SUSD4: variants seen among roughly 807,000 people sequenced by gnomAD.
SUSD4 encodes sushi domain-containing protein 4.
A neutral mutation model predicts 50.5 loss-of-function variants in SUSD4; 41 were observed. The ratio of observed to expected loss-of-function variants is 0.81; its 90% CI spans 0.63 to 1.05. SUSD4 has a LOEUF of 1.05. Among genes scored for constraint, SUSD4 ranks in the 50% least tolerant of loss-of-function variants. SUSD4 has a pLI of 0.00. For missense variants in SUSD4, 580 were observed against 634.7 expected (o/e 0.91, Z 0.93); for synonymous variants, 257 against 257.3 (o/e 1.00, Z 0.01).
At chr1:223,267,201 G>C (rs1662549346) in intron 4 of SUSD4, among the ~76,000 whole-genome samples, 1 of 152,166 alleles carries the variant, frequency 6.6e-6, no homozygotes, top group Admixed American at 6.5e-5. Flanking sequence ...ATGACACTTT[G>C]AGAGGCACAC....
intron 5 of SUSD4, among the ~76,000 whole-genome samples, chr1:223,249,777 A>G (rs553008685): frequency 1.6e-4 from 25 of 152,342 alleles, no homozygotes; most frequent in African/African-American, 5.8e-4. Flanking sequence ...AAAAAACATA[A>G]AACAAAAAAT....
At chr1:223,276,801 G>A (rs929056825) in intron 3 of SUSD4, among the ~76,000 whole-genome samples, 1 of 152,098 alleles carries the variant, frequency 6.6e-6, no homozygotes, top group Non-Finnish European at 1.5e-5. Context: ...AATATCTTGG[G>A]GGAAGACATG....
intron 2 of SUSD4, among the ~76,000 whole-genome samples, chr1:223,350,258 T>C (rs1668283132): frequency 6.6e-6 from 1 of 152,256 alleles, no homozygotes; most frequent in African/African-American, 2.4e-5. Context: ...GGGCCGGGAC[T>C]GTACTGTGTT....
intron 2 of SUSD4, among the ~76,000 whole-genome samples, chr1:223,358,033 G>A (rs41460051): frequency 6.6e-6 from 1 of 152,196 alleles, no homozygotes; most frequent in Non-Finnish European, 1.5e-5. Context: ...GAGGAGCAGT[G>A]TGCAAAATCA....
chr1:223,235,516 A>G (rs540453060), intron 5 of SUSD4, among the ~76,000 whole-genome samples: 2 of 151,394 alleles, frequency 1.3e-5, no homozygotes, highest in East Asian at 1.9e-4. Context: ...CTGCCTGTTC[A>G]TTGCCCCACC....
Position 223,324,940 on chromosome 1 carries a change from G to A in SUSD4, c.149-32289C>T, listed in dbSNP as rs1347404251. Among the ~76,000 whole-genome samples, 8 of 152,014 alleles carry A rather than the reference G, an allele frequency of 5.3e-5. No homozygotes were observed. The East Asian group carries it at 5.8e-4, about 11-fold the overall frequency. On this transcript the variant is annotated intron_variant, in intron 2 of 8. Coordinates refer to ENST00000366878, the MANE Select transcript of SUSD4 (RefSeq NM_017982.4). The stretch of plus-strand genomic sequence containing the variant: ...ACCTCCTACCTAAGATCAATGCACC[G>A]TACTCCAGGAAGGGGTACTTTACTT...
intron 2 of SUSD4, among the ~76,000 whole-genome samples, chr1:223,323,013 C>T (rs1666669870): frequency 6.6e-6 from 1 of 152,144 alleles, no homozygotes; most frequent in Non-Finnish European, 1.5e-5. Flanking sequence ...CCTGCCTCCA[C>T]AGGCAGAGGA....
intron 5 of SUSD4, 56 bp downstream of exon 5, chr1:223,264,571 ATCT>A: frequency 6.3e-7 from 1 of 1,594,924 alleles, no homozygotes; most frequent in Non-Finnish European, 8.6e-7. Context: ...CCTCCTACTG[ATCT>A]TCTTCCTCCC....
intron 2 of SUSD4, among the ~76,000 whole-genome samples, chr1:223,292,936 G>A (rs1447454611): frequency 7.2e-5 from 11 of 152,194 alleles, no homozygotes; most frequent in Admixed American, 7.2e-4. Flanking sequence ...CATGACAAGT[G>A]CCACAAAAGA....
intron 2 of SUSD4, among the ~76,000 whole-genome samples, chr1:223,360,686 T>C (rs970877536): frequency 2.0e-5 from 3 of 152,220 alleles, no homozygotes; most frequent in African/African-American, 4.8e-5. Flanking sequence ...ACATGCTTTT[T>C]TTTTCTCCTA....
At chr1:223,281,166 C>T (rs544866061) in intron 3 of SUSD4, among the ~76,000 whole-genome samples, 1 of 152,094 alleles carries the variant, frequency 6.6e-6, no homozygotes, top group Non-Finnish European at 1.5e-5. Flanking sequence ...CCTAACATCA[C>T]AATTAAAAGA....
At chr1:223,333,410 C>T (rs1193281160) in intron 2 of SUSD4, among the ~76,000 whole-genome samples, 1 of 152,026 alleles carries the variant, frequency 6.6e-6, no homozygotes, top group Non-Finnish European at 1.5e-5. Context: ...TCCTATTACT[C>T]AATCAAAAAT....
At chr1:223,275,451 C>T (rs1055363957) in intron 3 of SUSD4, among the ~76,000 whole-genome samples, 1 of 152,170 alleles carries the variant, frequency 6.6e-6, no homozygotes, top group Non-Finnish European at 1.5e-5. Flanking sequence ...ACAGAAAGCA[C>T]TTTAAGGCCA....
At chr1:223,352,738 G>C (rs1354642204) in intron 2 of SUSD4, among the ~76,000 whole-genome samples, 1 of 152,162 alleles carries the variant, frequency 6.6e-6, no homozygotes, top group South Asian at 2.1e-4. Context: ...CAGGCAGCTG[G>C]AGGTGAGAGG....
intron 2 of SUSD4, among the ~76,000 whole-genome samples, chr1:223,305,735 T>A (rs186923628): frequency 6.6e-6 from 1 of 152,334 alleles, no homozygotes; most frequent in Non-Finnish European, 1.5e-5. Flanking sequence ...ATATACTATT[T>A]ATTATAGCAA....
chr1:223,261,580 A>G (rs1263989795), intron 5 of SUSD4, among the ~76,000 whole-genome samples: 3 of 152,228 alleles, frequency 2.0e-5, no homozygotes, highest in Non-Finnish European at 4.4e-5. Flanking sequence ...CTATGTAGTA[A>G]GCTCTCAAAA....
intron 2 of SUSD4, among the ~76,000 whole-genome samples, chr1:223,323,586 C>G (rs1372646921): frequency 6.6e-6 from 1 of 152,136 alleles, no homozygotes. Context: ...AGCTAAATGG[C>G]AGGGTAGACC....
intron 2 of SUSD4, among the ~76,000 whole-genome samples, chr1:223,298,356 T>C (rs1029150275): frequency 2.0e-5 from 3 of 152,300 alleles, no homozygotes; most frequent in African/African-American, 7.2e-5. Context: ...CACTCTCTCC[T>C]AACACCCTTT....
chr1:223,253,566 A>C (rs1661484119), intron 5 of SUSD4, among the ~76,000 whole-genome samples: 1 of 152,112 alleles, frequency 6.6e-6, no homozygotes, highest in South Asian at 2.1e-4. Flanking sequence ...GGAAGAAAGG[A>C]ACAACAGAGA....
Sources: gnomAD v4.1 joint callset for allele counts (sites outside exome capture counted in the v4.1 genomes callset) on GRCh38, gnomAD v4.1.1 for gene constraint, MANE v1.5 for transcripts, NCBI Gene and HGNC (gene_info 2026-07-23, HGNC 2026-07-21) for gene names.